Variants in SCCPDH observed in about 807,000 individuals in gnomAD.
The protein encoded by SCCPDH is saccharopine dehydrogenase-like oxidoreductase.
A neutral mutation model predicts 51.5 loss-of-function variants in SCCPDH; 34 were observed. That is an observed-to-expected ratio of 0.66 (90% CI 0.50 to 0.88). The LOEUF (loss-of-function observed/expected upper bound fraction) is 0.88, where lower values mean the gene tolerates loss of function less well. SCCPDH is among the 40% of genes least tolerant of loss of function. The pLI, the probability that SCCPDH is intolerant of heterozygous loss-of-function variation, is 0.00. For missense variants in SCCPDH, 464 were observed against 527.1 expected (o/e 0.88, Z 1.17); for synonymous variants, 187 against 191.3 (o/e 0.98, Z 0.19).
chr1:246,763,302 A>G (rs1040804637), intron 9 of SCCPDH, among the ~76,000 whole-genome samples: 15 of 152,130 alleles, frequency 9.9e-5, no homozygotes, highest in Non-Finnish European at 2.9e-5. Flanking sequence ...TGGGTCGGAC[A>G]ATGTGTGTAG....
At chr1:246,729,515 C>T (rs1668458280) in intron 2 of SCCPDH, among the ~76,000 whole-genome samples, 1 of 152,218 alleles carries the variant, frequency 6.6e-6, no homozygotes, top group South Asian at 2.1e-4. Context: ...TGACTCTCTT[C>T]TGCCCAGTCG....
intron 4 of SCCPDH, among the ~76,000 whole-genome samples, chr1:246,743,832 C>T (rs1045878337): frequency 6.6e-6 from 1 of 152,140 alleles, no homozygotes; most frequent in African/African-American, 2.4e-5. Context: ...GTGTTCCAAT[C>T]CTTAGACCTA....
rs1259652518 is a variant in SCCPDH at position 246,766,012 on chromosome 1, T to C, written c.1103-46T>C. The C allele has an allele frequency of 2.5e-6, 3 of 1,218,070 alleles. No homozygotes were observed. In the African/African-American group the frequency reaches 4.5e-5, roughly 18 times the overall value. 75.5% of individuals were successfully genotyped at this position (1,218,070 alleles called of 1,614,324 possible). On this transcript the variant is annotated intron_variant, in intron 10 of 11. Coordinates refer to ENST00000366510, the MANE Select transcript of SCCPDH (RefSeq NM_016002.3). Reference sequence around the variant, plus strand: ...TTGATTTTTGATGTTGTTGAATGGGTACTTCATGATTCCTTTCTTTTTCCC... The same window carrying C: ...TTGATTTTTGATGTTGTTGAATGGGCACTTCATGATTCCTTTCTTTTTCCC...
intron 5 of SCCPDH, among the ~76,000 whole-genome samples, chr1:246,749,434 G>T (rs1668818576): frequency 6.6e-6 from 1 of 152,166 alleles, no homozygotes; most frequent in Non-Finnish European, 1.5e-5. Flanking sequence ...AGAAGGGGGT[G>T]CAGGATGTGA....
At chr1:246,748,721 G>A (rs568695300) in intron 5 of SCCPDH, among the ~76,000 whole-genome samples, 7 of 152,252 alleles carry the variant, frequency 4.6e-5, no homozygotes, top group South Asian at 2.1e-4. Context: ...CTCCAGTAGC[G>A]TTTATATAAA....
intron 2 of SCCPDH, among the ~76,000 whole-genome samples, 179 bp downstream of exon 2, chr1:246,727,183 A>G (rs537518815): frequency 5.9e-5 from 9 of 152,332 alleles, no homozygotes; most frequent in African/African-American, 1.9e-4. Flanking sequence ...TGAGAGAGTG[A>G]GTGACAGGCT....
chr1:246,748,202 C>T (rs2102986543), intron 5 of SCCPDH, among the ~76,000 whole-genome samples: 1 of 152,214 alleles, frequency 6.6e-6, no homozygotes, highest in South Asian at 2.1e-4. Context: ...CTTTGACTAG[C>T]CCACGGATGC....
At chr1:246,727,153 T>C (rs551977716) in intron 2 of SCCPDH, 149 bp downstream of exon 2, 1 of 638,340 alleles carries the variant, frequency 1.6e-6, no homozygotes, top group Admixed American at 2.7e-5. Flanking sequence ...GAGGAGCAGC[T>C]GGAGATGACC....
At chr1:246,754,056 C>G (rs1331018307) in intron 5 of SCCPDH, among the ~76,000 whole-genome samples, 1 of 151,988 alleles carries the variant, frequency 6.6e-6, no homozygotes, top group Admixed American at 6.6e-5. Flanking sequence ...CCTGGTTAGG[C>G]CCCATCTCTC....
chr1:246,739,804 C>T (rs1055116386), intron 3 of SCCPDH, among the ~76,000 whole-genome samples: 3 of 152,050 alleles, frequency 2.0e-5, no homozygotes, highest in South Asian at 2.1e-4. Flanking sequence ...TCTGTCTGTA[C>T]GTGTGCGGAG....
chr1:246,742,426 C>G (rs568582941), intron 4 of SCCPDH, among the ~76,000 whole-genome samples: 12 of 152,126 alleles, frequency 7.9e-5, no homozygotes, highest in African/African-American at 2.7e-4. Context: ...TAGCAAGCAC[C>G]CCAGCTGATT....
Position 246,758,279 on chromosome 1 carries a change from T to G in SCCPDH, c.618T>G (p.Asp206Glu). 6.2e-7 allele frequency: 1 copy of G among 1,610,022 alleles called. No individual in the cohort carries two copies. The highest frequency in any genetic ancestry group is 8.5e-7 in the Non-Finnish European group (1 of 1,177,716). Residue 206 changes from aspartate (D) to glutamate (E), a missense_variant, in exon 6 of 12, where the codon GAT (aspartate) becomes GAG (glutamate). Physicochemically the swap from Asp to Glu is conservative, Grantham distance 45. Transcript: ENST00000366510. ...TWKSAIYGFG[D>E]QSNLRKLRNV... ...AGTCAGCAATTTATGGTTTTGGAGA[T>G]CAGAGTAATTTGAGAAAACTAAGAA...
chr1:246,730,285 C>G (rs1398226109), intron 2 of SCCPDH, among the ~76,000 whole-genome samples: 1 of 152,214 alleles, frequency 6.6e-6, no homozygotes, highest in Admixed American at 6.5e-5. Flanking sequence ...ATCCAGCTGA[C>G]CACTTTCTCC....
chr1:246,753,052 ACTCTCT>A (rs113895610), intron 5 of SCCPDH, among the ~76,000 whole-genome samples: 2 of 101,184 alleles, frequency 2.0e-5, no homozygotes, highest in African/African-American at 6.8e-5. Context: ...TTTTTCTTTG[ACTCTCT>A]CTCTCTCTCT....
chr1:246,743,958 T>G, intron 4 of SCCPDH, 118 bp from the exon 5 acceptor site: 1 of 601,104 alleles, frequency 1.7e-6, no homozygotes, highest in Non-Finnish European at 3.0e-6. Context: ...ATTTTCTGTG[T>G]CAGCTGTAGG....
At chr1:246,734,218 G>A (rs998011030) in intron 2 of SCCPDH, among the ~76,000 whole-genome samples, 3 of 152,116 alleles carry the variant, frequency 2.0e-5, no homozygotes, top group East Asian at 1.9e-4. Flanking sequence ...GAACAAGGCC[G>A]AGAAAGCTCC....
intron 4 of SCCPDH, 41 bp downstream of exon 4, chr1:246,740,342 C>T: frequency 1.3e-6 from 2 of 1,509,994 alleles, no homozygotes; most frequent in Non-Finnish European, 1.8e-6. Context: ...TTTAACAGTA[C>T]CGTGCAAAGG....
intron 2 of SCCPDH, among the ~76,000 whole-genome samples, chr1:246,728,827 A>G (rs1668441003): frequency 6.6e-6 from 1 of 152,190 alleles, no homozygotes; most frequent in African/African-American, 2.4e-5. Context: ...TTACAAGGAA[A>G]AACTGGTCCT....
At chr1:246,766,014 C>CT in intron 10 of SCCPDH, 44 bp from the exon 11 acceptor site, 1 of 1,340,478 alleles carries the variant, frequency 7.5e-7, no homozygotes, top group Non-Finnish European at 1.1e-6. Flanking sequence ...TGAATGGGTA[C>CT]TTCATGATTC....
Sources: gnomAD v4.1 joint callset for allele counts (sites outside exome capture counted in the v4.1 genomes callset) on GRCh38, gnomAD v4.1.1 for gene constraint, MANE v1.5 for transcripts, NCBI Gene and HGNC (gene_info 2026-07-23, HGNC 2026-07-21) for gene names.